CCR9: variants seen among roughly 807,000 people sequenced by gnomAD.
CCR9 encodes C-C chemokine receptor type 9.
Under a neutral mutation model 8.7 loss-of-function variants are expected in CCR9, and 4 were observed. That is an observed-to-expected ratio of 0.46 (90% confidence interval 0.23 to 1.06). The LOEUF is 1.06. Among genes scored for constraint, CCR9 ranks in the 50% least tolerant of loss-of-function variants. The pLI is 0.21. For synonymous variants in CCR9, 159 were observed against 168.8 expected (o/e 0.94, Z 0.45); for missense variants, 394 against 453.6 (o/e 0.87, Z 1.19).
rs1702599551 is a variant in CCR9 at position 45,902,758 on chromosome 3, C to G, written c.*860C>G. 6.0e-6 allele frequency: 1 copy of G among 167,160 alleles called. No homozygotes were observed. The highest frequency in any genetic ancestry group is 2.4e-5 in the African/African-American group (1 of 41,450). 10.4% of individuals were successfully genotyped at this position (167,160 alleles called of 1,614,324 possible). ...GTGGCACTTGCTTTGGGTCCACCGT[C>G]TGTCTGCTCCCTAGAAAATGGGCTG... On this transcript the variant is annotated 3_prime_UTR_variant, in exon 3 of 3. Coordinates refer to ENST00000357632, the MANE Select transcript of CCR9 (RefSeq NM_031200.3).
At chr3:45,897,988 A>C (rs1702416905) in intron 2 of CCR9, among the ~76,000 whole-genome samples, 1 of 151,786 alleles carries the variant, frequency 6.6e-6, no homozygotes, top group Admixed American at 6.6e-5. Flanking sequence ...AAAAAAAAAA[A>C]AAAAACACAC....
intron 1 of CCR9, among the ~76,000 whole-genome samples, chr3:45,888,774 ATATT>A (rs1171437814): frequency 4.6e-5 from 7 of 152,216 alleles, no homozygotes; most frequent in Admixed American, 2.6e-4. Context: ...GGAGAATAAA[ATATT>A]TGAGAAGTAT....
chr3:45,888,108 A>G (rs1702039014), intron 1 of CCR9, among the ~76,000 whole-genome samples: 1 of 152,234 alleles, frequency 6.6e-6, no homozygotes, highest in Non-Finnish European at 1.5e-5. Context: ...TTGGATAATA[A>G]TAGGTTCCAA....
intron 1 of CCR9, among the ~76,000 whole-genome samples, chr3:45,893,080 T>A (rs145512200): frequency 6.6e-6 from 1 of 152,158 alleles, no homozygotes; most frequent in East Asian, 1.9e-4. Flanking sequence ...GTGAACATAT[T>A]TATCCCCCAC....
chr3:45,900,038 T>G lies in CCR9; in HGVS notation c.22-772T>G, dbSNP rs952009824. 6.6e-6 allele frequency among the ~76,000 whole-genome samples: 1 copy of G among 152,204 alleles called. No individual in the cohort carries two copies. Among genetic ancestry groups the G allele is most frequent in the African/African-American group, 2.4e-5 (1 of 41,456 alleles). On this transcript the variant is annotated intron_variant, in intron 2 of 2. Coordinates refer to ENST00000357632, the MANE Select transcript of CCR9 (RefSeq NM_031200.3). The surrounding 1 kb of genome is among the most constrained non-coding windows in gnomAD (Gnocchi z 4.7). ...ACGAGAGCATGTGCAAGTGCATGTA[T>G]TATGTGTATGCATGTACATATGAGT...
chr3:45,894,406 T>A (rs1295256284), intron 1 of CCR9, among the ~76,000 whole-genome samples: 2 of 152,184 alleles, frequency 1.3e-5, no homozygotes, highest in African/African-American at 2.4e-5. Context: ...AAGGCCCTTT[T>A]CCTGGGGAGT....
Position 45,900,722 on chromosome 3 carries a change from G to A in CCR9, c.22-88G>A. On this transcript the variant is annotated intron_variant, in intron 2 of 2. Transcript: ENST00000357632. This position sits in a 1 kb window ranked among gnomAD's most constrained non-coding sequence, Gnocchi z 4.7. ...GCCTTATCATAGGTGTTTGGGGTTGGAAGGGTCAAGAGGTCCATGCCTCTG... is the reference window on the plus strand; with the variant it reads ...GCCTTATCATAGGTGTTTGGGGTTGAAAGGGTCAAGAGGTCCATGCCTCTG... The A allele has an allele frequency of 1.4e-6, 2 of 1,380,768 alleles. No homozygotes were observed. The highest frequency in any genetic ancestry group is 2.0e-6 in the Non-Finnish European group (2 of 1,015,098). 85.5% of individuals were successfully genotyped at this position (1,380,768 alleles called of 1,614,324 possible). A position where few individuals can be genotyped will look rare whatever the true frequency, so the allele number is the denominator to read the frequency against.
intron 2 of CCR9, among the ~76,000 whole-genome samples, chr3:45,898,713 A>T (rs1702449165): frequency 6.6e-6 from 1 of 152,250 alleles, no homozygotes; most frequent in Non-Finnish European, 1.5e-5. Flanking sequence ...ACTGTCCTTT[A>T]TCAATCAATT....
At chr3:45,898,083 C>T (rs529163749) in intron 2 of CCR9, among the ~76,000 whole-genome samples, 2 of 151,970 alleles carry the variant, frequency 1.3e-5, no homozygotes, top group South Asian at 2.1e-4. Flanking sequence ...GATTCACAGT[C>T]GGTACTTGCT....
intron 1 of CCR9, among the ~76,000 whole-genome samples, chr3:45,887,551 C>T (rs1702020035): frequency 6.6e-6 from 1 of 152,216 alleles, no homozygotes; most frequent in Non-Finnish European, 1.5e-5. Flanking sequence ...CTGGCAAGTC[C>T]ATCCAGAGAG....
chr3:45,901,493 C>T lies in CCR9; in HGVS notation c.705C>T (p.Thr235=), dbSNP rs749957221. 1 of 1,614,144 alleles carries T rather than the reference C, an allele frequency of 6.2e-7. No homozygotes were observed. The highest frequency in any genetic ancestry group is 2.2e-5 in the East Asian group (1 of 44,882). ...TCGTGGTCATGGCTTGCTGCTATACCATCATCATTCACACCCTGATACAAG... is the reference window on the plus strand; with the variant it reads ...TCGTGGTCATGGCTTGCTGCTATACTATCATCATTCACACCCTGATACAAG... The part of the protein sequence containing the change: ...LPFVVMACCY[T]IIIHTLIQAK... Residue 235 remains threonine (T), a synonymous_variant, in exon 3 of 3, where the codon ACC becomes ACT. Transcript: ENST00000357632. The surrounding 1 kb of genome is among the most constrained non-coding windows in gnomAD (Gnocchi z 4.3).
At chr3:45,889,185 C>T (rs1702070532) in intron 1 of CCR9, among the ~76,000 whole-genome samples, 1 of 152,216 alleles carries the variant, frequency 6.6e-6, no homozygotes, top group Middle Eastern at 3.4e-3. Context: ...GGGTCTTGCT[C>T]TGTTGCCCAG....
At chr3:45,898,520 G>T (rs967119668) in intron 2 of CCR9, among the ~76,000 whole-genome samples, 2 of 152,200 alleles carry the variant, frequency 1.3e-5, no homozygotes, top group African/African-American at 4.8e-5. Flanking sequence ...CAGCTGCCCT[G>T]GCCTGAAGAG....
chr3:45,900,049 C>T lies in CCR9; in HGVS notation c.22-761C>T, dbSNP rs1702498661. On this transcript the variant is annotated intron_variant, in intron 2 of 2. Transcript: ENST00000357632. This position sits in a 1 kb window ranked among gnomAD's most constrained non-coding sequence, Gnocchi z 4.7. Reference sequence around the variant, plus strand: ...TGCAAGTGCATGTATTATGTGTATGCATGTACATATGAGTGTGTGTGCTTG... The same window carrying T: ...TGCAAGTGCATGTATTATGTGTATGTATGTACATATGAGTGTGTGTGCTTG... 6.6e-6 allele frequency among the ~76,000 whole-genome samples: 1 copy of T among 152,154 alleles called. No individual in the cohort carries two copies.
rs1266929937 is a variant in CCR9, at chr3:45,901,944, T to C, written c.*46T>C. ...TGGTTCTTTTGGAAGAAATGAGAAA[T>C]ACAGAAACAGTTTCCCCACTGATGG... On this transcript the variant is annotated 3_prime_UTR_variant, in exon 3 of 3. Coordinates refer to ENST00000357632, the MANE Select transcript of CCR9 (RefSeq NM_031200.3). This position sits in a 1 kb window ranked among gnomAD's most constrained non-coding sequence, Gnocchi z 4.3. 1.3e-6 allele frequency: 2 copies of C among 1,487,044 alleles called. No individual in the cohort carries two copies. The highest frequency in any genetic ancestry group is 1.8e-6 in the Non-Finnish European group (2 of 1,104,516). 92.1% of individuals were successfully genotyped at this position (1,487,044 alleles called of 1,614,324 possible).
At chr3:45,892,440 C>T (rs912165387) in intron 1 of CCR9, among the ~76,000 whole-genome samples, 5 of 152,114 alleles carry the variant, frequency 3.3e-5, no homozygotes, top group Admixed American at 6.5e-5. Flanking sequence ...GGCCATTATC[C>T]TAAGTGAATT....
chr3:45,889,956 G>A (rs141082608), intron 1 of CCR9, among the ~76,000 whole-genome samples: 17 of 151,376 alleles, frequency 1.1e-4, no homozygotes, highest in Admixed American at 6.6e-4. Flanking sequence ...AAGCAGATGC[G>A]CTGCAGAGTC....
intron 1 of CCR9, among the ~76,000 whole-genome samples, chr3:45,888,690 T>A (rs1057085336): frequency 2.6e-5 from 4 of 152,164 alleles, no homozygotes; most frequent in African/African-American, 9.7e-5. Context: ...TATGTGGGAT[T>A]TTCCCCCCTA....
intron 2 of CCR9, among the ~76,000 whole-genome samples, chr3:45,899,039 G>A (rs1222028672): frequency 6.6e-6 from 1 of 152,152 alleles, no homozygotes; most frequent in African/African-American, 2.4e-5. Flanking sequence ...GGTGGCACAC[G>A]CCTGTAATCC....
Sources: allele counts gnomAD v4.1 joint callset (sites outside exome capture counted in the v4.1 genomes callset), GRCh38; gene constraint gnomAD v4.1.1; non-coding constraint Gnocchi (gnomAD v3.1); transcripts MANE v1.5; gene names NCBI Gene and HGNC (gene_info 2026-07-23, HGNC 2026-07-21).